Variants in MYO9A observed in about 807,000 individuals in gnomAD.
MYO9A encodes the protein unconventional myosin-IXa.
MYO9A carries 103 observed loss-of-function variants against 293.3 expected under a neutral mutation model. The ratio of observed to expected loss-of-function variants is 0.35; its 90% CI spans 0.30 to 0.41. MYO9A has a LOEUF of 0.41. Ranked by LOEUF, MYO9A falls within the 10% of genes least tolerant of loss-of-function variation. MYO9A has a pLI of 1.00. For missense variants in MYO9A, 2,685 were observed against 3,033.0 expected (o/e 0.89, Z 2.69); for synonymous variants, 1,001 against 1,035.7 (o/e 0.97, Z 0.64).
At chr15:72,027,843 G>C (rs1224165411) in intron 3 of MYO9A, 50 bp from the exon 4 acceptor site, 1 of 1,291,336 alleles carries the variant, frequency 7.7e-7, no homozygotes, top group Non-Finnish European at 1.1e-6. Context: ...TTTAATATAA[G>C]GCAGAAAAAT....
intron 27 of MYO9A, among the ~76,000 whole-genome samples, chr15:71,884,752 TTCAA>T (rs904560203): frequency 3.3e-5 from 5 of 152,128 alleles, no homozygotes; most frequent in South Asian, 4.1e-4. Context: ...CATTTGTCTG[TTCAA>T]TCATTCAATT....
At chr15:72,056,701 G>A (rs138311389) in intron 1 of MYO9A, among the ~76,000 whole-genome samples, 42 of 152,306 alleles carry the variant, frequency 2.8e-4, no homozygotes, top group African/African-American at 8.4e-4. Flanking sequence ...TCAGCTGGGC[G>A]CAGTGGCTCA....
chr15:71,893,821 T>C (rs754903097), intron 25 of MYO9A, 43 bp from the exon 26 acceptor site: 18 of 1,511,402 alleles, frequency 1.2e-5, no homozygotes, highest in Non-Finnish European at 1.7e-5. Context: ...TCTTAGCAGA[T>C]ATCCCATGGC....
chr15:71,822,697 C>G lies in MYO9A; in HGVS notation c.*3883G>C, dbSNP rs2054322241. 6.6e-6 allele frequency: 1 copy of G among 152,050 alleles called. No homozygotes were observed. Among genetic ancestry groups the G allele is most frequent in the Non-Finnish European group, 1.5e-5 (1 of 68,008 alleles). 9.4% of individuals were successfully genotyped at this position (152,050 alleles called of 1,614,324 possible). A position where few individuals can be genotyped will look rare whatever the true frequency, so the allele number is the denominator to read the frequency against. On this transcript the variant is annotated 3_prime_UTR_variant, in exon 42 of 42. Transcript: ENST00000356056. ...ACCTTTCCCATAGTAAATACAAATACTTGGTTCAAAAGGTGCAACTTTTAT... is the reference window on the plus strand; with the variant it reads ...ACCTTTCCCATAGTAAATACAAATAGTTGGTTCAAAAGGTGCAACTTTTAT...
chr15:72,045,627 G>A (rs2078363480), intron 2 of MYO9A, 97 bp downstream of exon 2: 7 of 1,312,842 alleles, frequency 5.3e-6, no homozygotes, highest in Middle Eastern at 2.3e-4. Flanking sequence ...TCCACACATC[G>A]ACCTGGTATT....
At position 71,825,995 on chromosome 15, in the gene MYO9A, G is replaced by GTTTTTTTTTTTTGTTTTTTTT. The variant is rs2054472343; in HGVS notation, c.*584_*585insAAAAAAAACAAAAAAAAAAAA. On this transcript the variant is annotated 3_prime_UTR_variant, in exon 42 of 42. Coordinates refer to ENST00000356056, the MANE Select transcript of MYO9A (RefSeq NM_006901.4). ...ATGGAAACAATCACGGTTTTTTTTT[G>GTTTTTTTTTTTTGTTTTTTTT]TTTTTTTTTTTTTGTTTTTTTTTTT... The GTTTTTTTTTTTTGTTTTTTTT allele has an allele frequency of 2.2e-5, 2 of 91,522 alleles. No homozygotes were observed. Among genetic ancestry groups the GTTTTTTTTTTTTGTTTTTTTT allele is most frequent in the African/African-American group, 8.8e-5 (2 of 22,700 alleles). 5.7% of individuals were successfully genotyped at this position (91,522 alleles called of 1,614,324 possible).
At chr15:72,071,789 G>A (rs531559760) in intron 1 of MYO9A, among the ~76,000 whole-genome samples, 80 of 151,748 alleles carry the variant, frequency 5.3e-4, no homozygotes, top group South Asian at 2.7e-3. Flanking sequence ...ATGTCAGTTA[G>A]TTTAACCCCT....
chr15:71,835,028 T>G (rs149521013), intron 39 of MYO9A, among the ~76,000 whole-genome samples: 76 of 152,206 alleles, frequency 5.0e-4, no homozygotes, highest in African/African-American at 1.8e-3. Flanking sequence ...GTGTAATGTG[T>G]CATATCAATG....
At chr15:71,966,996 T>G (rs1176189910) in intron 13 of MYO9A, among the ~76,000 whole-genome samples, 1 of 152,156 alleles carries the variant, frequency 6.6e-6, no homozygotes, top group East Asian at 1.9e-4. Flanking sequence ...TTTCAATTAT[T>G]TCACCATATC....
chr15:72,067,082 T>C (rs928952362), intron 1 of MYO9A, among the ~76,000 whole-genome samples: 1 of 111,730 alleles, frequency 9.0e-6, no homozygotes, highest in South Asian at 3.3e-4. Context: ...GCAATATTGA[T>C]AATTATATAT....
intron 29 of MYO9A, 74 bp from the exon 30 acceptor site, chr15:71,879,911 T>C: frequency 9.8e-7 from 1 of 1,021,592 alleles, no homozygotes; most frequent in Middle Eastern, 2.1e-4. Context: ...TAGGCATGTA[T>C]TGTTGCTTCC....
At chr15:71,950,953 A>G (rs1271315715) in intron 15 of MYO9A, among the ~76,000 whole-genome samples, 1 of 152,214 alleles carries the variant, frequency 6.6e-6, no homozygotes, top group African/African-American at 2.4e-5. Flanking sequence ...CAGTGCCTCA[A>G]TAATAGTAAT....
chr15:72,049,096 T>C (rs1048172524), intron 1 of MYO9A, among the ~76,000 whole-genome samples: 2 of 152,232 alleles, frequency 1.3e-5, no homozygotes, highest in Non-Finnish European at 2.9e-5. Context: ...GATGAGTTCA[T>C]ATATTTGAGA....
Position 72,046,626 on chromosome 15 carries a change from G to A in MYO9A, c.-63C>T, listed in dbSNP as rs2078393046. The A allele has an allele frequency of 1.0e-5, 15 of 1,452,924 alleles. No individual in the cohort carries two copies. The highest frequency in any genetic ancestry group is 1.4e-5 in the African/African-American group (1 of 70,898). 90.0% of individuals were successfully genotyped at this position (1,452,924 alleles called of 1,614,324 possible). A position where few individuals can be genotyped will look rare whatever the true frequency, so the allele number is the denominator to read the frequency against. ...CAAAGTCGTGCAAACCATTTTCTTG[G>A]TAAAATAACTGTAACATAAAAGATG... On this transcript the variant is annotated 5_prime_UTR_variant, in exon 2 of 42. Coordinates refer to ENST00000356056, the MANE Select transcript of MYO9A (RefSeq NM_006901.4).
chr15:71,959,863 A>AT, intron 14 of MYO9A, 38 bp downstream of exon 14: 6 of 1,506,484 alleles, frequency 4.0e-6, no homozygotes, highest in Non-Finnish European at 5.4e-6. Context: ...AAAAAAAAAA[A>AT]GATGAAGTAT....
chr15:71,969,679 T>C (rs902459060), intron 12 of MYO9A, among the ~76,000 whole-genome samples: 2 of 152,194 alleles, frequency 1.3e-5, no homozygotes, highest in Admixed American at 6.5e-5. Context: ...TACTTTCTCT[T>C]ACTTTTAAAT....
At chr15:71,840,671 C>G (rs2055120239) in intron 39 of MYO9A, among the ~76,000 whole-genome samples, 1 of 152,034 alleles carries the variant, frequency 6.6e-6, no homozygotes, top group African/African-American at 2.4e-5. Context: ...GCTCTGTCGC[C>G]CAGGCTGGAG....
intron 39 of MYO9A, among the ~76,000 whole-genome samples, chr15:71,834,573 A>C (rs1453813960): frequency 6.6e-6 from 1 of 151,974 alleles, no homozygotes; most frequent in African/African-American, 2.4e-5. Context: ...GGAGTTTGAG[A>C]CCAGCCTTGG....
chr15:71,925,953 CTTG>C (rs2058302776), intron 18 of MYO9A, among the ~76,000 whole-genome samples: 1 of 152,134 alleles, frequency 6.6e-6, no homozygotes. Context: ...TACCATATTT[CTTG>C]TGTCCCCGTA....
Sources: allele counts gnomAD v4.1 joint callset (sites outside exome capture counted in the v4.1 genomes callset), GRCh38; gene constraint gnomAD v4.1.1; transcripts MANE v1.5; gene names NCBI Gene and HGNC (gene_info 2026-07-23, HGNC 2026-07-21).